IL19: variants seen among roughly 807,000 people sequenced by gnomAD.
IL19 encodes interleukin 19, also known as interleukin-19.
Under a neutral mutation model 19.5 loss-of-function variants are expected in IL19, and 15 were observed. The observed-to-expected ratio is 0.77, with a 90% confidence interval of 0.52 to 1.19. The LOEUF is 1.19. IL19 is among the 50% of genes most tolerant of loss of function. The pLI is 0.00. For missense variants in IL19, 199 were observed against 213.1 expected, an observed-to-expected ratio of 0.93 and a Z score of 0.41; for synonymous variants, 78 against 78.3, an observed-to-expected ratio of 1.00 and a Z score of 0.02.
intron 2 of IL19, among the ~76,000 whole-genome samples, chr1:206,823,970 T>C (rs1050549781): frequency 2.6e-5 from 4 of 152,240 alleles, no homozygotes; most frequent in African/African-American, 9.6e-5. Context: ...GTTTCAGTTT[T>C]AGCAGGATCG....
At chr1:206,781,304 C>T (rs1233097651) in intron 1 of IL19, among the ~76,000 whole-genome samples, 2 of 144,310 alleles carry the variant, frequency 1.4e-5, no homozygotes, top group Admixed American at 1.4e-4. Context: ...ATTAGCTGGG[C>T]GTGGTGAGGC....
intron 5 of IL19, 35 bp from the exon 6 acceptor site, chr1:206,840,969 G>A: frequency 6.4e-7 from 1 of 1,574,408 alleles, no homozygotes; most frequent in East Asian, 2.2e-5. Context: ...GAGTGGAAAT[G>A]TCCTCTGATA....
intron 1 of IL19, among the ~76,000 whole-genome samples, chr1:206,780,929 G>A (rs1036256173): frequency 6.6e-6 from 1 of 152,154 alleles, no homozygotes; most frequent in African/African-American, 2.4e-5. Context: ...AATCTATTTT[G>A]TACTCCTTGG....
chr1:206,810,522 C>T (rs772820221), intron 2 of IL19, among the ~76,000 whole-genome samples: 7 of 152,170 alleles, frequency 4.6e-5, no homozygotes, highest in African/African-American at 7.2e-5. Flanking sequence ...AACACATTGA[C>T]GAAGGTAGCA....
intron 1 of IL19, among the ~76,000 whole-genome samples, chr1:206,775,846 T>C (rs1056934342): frequency 6.6e-6 from 1 of 152,154 alleles, no homozygotes; most frequent in African/African-American, 2.4e-5. Flanking sequence ...CAGGCACCTA[T>C]GGATGGATAG....
At chr1:206,805,277 C>T (rs1675821063) in intron 2 of IL19, among the ~76,000 whole-genome samples, 1 of 152,180 alleles carries the variant, frequency 6.6e-6, no homozygotes, top group Non-Finnish European at 1.5e-5. Context: ...CTTGTGCAGC[C>T]ATTGCTCTAG....
chr1:206,839,868 G>A lies in IL19; in HGVS notation c.229G>A (p.Val77Met), dbSNP rs375138273. Residue 77 changes from valine (V) to methionine (M), a missense_variant, in exon 5 of 7, where the codon GTG (valine) becomes ATG (methionine). By Grantham distance (21) the Val-to-Met change is conservative (BLOSUM62 1). Coordinates refer to ENST00000659997, the MANE Select transcript of IL19 (RefSeq NM_153758.5). ...QIIKPLDVCC[V>M]TKNLLAFYVD... ...TTTGTAGCCCTTAGATGTGTGCTGCGTGACCAAGAACCTCCTGGCGTTCTA... is the reference window on the plus strand; with the variant it reads ...TTTGTAGCCCTTAGATGTGTGCTGCATGACCAAGAACCTCCTGGCGTTCTA... The A allele has an allele frequency of 7.4e-5, 119 of 1,613,894 alleles. No individual in the cohort carries two copies. The highest frequency in any genetic ancestry group is 6.7e-4 in the East Asian group (30 of 44,874).
At chr1:206,799,168 C>T (rs1025831517) in intron 2 of IL19, among the ~76,000 whole-genome samples, 162 bp downstream of exon 2, 1 of 151,998 alleles carries the variant, frequency 6.6e-6, no homozygotes, top group Non-Finnish European at 1.5e-5. Flanking sequence ...AGACTGCTGG[C>T]CAGGTTTAGG....
intron 6 of IL19, 150 bp downstream of exon 6, chr1:206,841,228 G>A (rs925570055): frequency 2.0e-5 from 13 of 661,556 alleles, no homozygotes; most frequent in Non-Finnish European, 3.5e-5. Flanking sequence ...TCTGTAAAGA[G>A]AGTTTTGATT....
At chr1:206,784,994 G>A (rs534336586) in intron 1 of IL19, among the ~76,000 whole-genome samples, 1 of 152,322 alleles carries the variant, frequency 6.6e-6, no homozygotes, top group African/African-American at 2.4e-5. Flanking sequence ...AGGCCAGTCT[G>A]GGTGCTGGTT....
chr1:206,832,880 C>A (rs1676656001), intron 2 of IL19, among the ~76,000 whole-genome samples: 1 of 152,198 alleles, frequency 6.6e-6, no homozygotes, highest in Admixed American at 6.5e-5. Flanking sequence ...CCTGGGGTTT[C>A]TTTCCCTTGC....
chr1:206,773,041 C>T (rs1426577442), intron 1 of IL19, among the ~76,000 whole-genome samples: 1 of 152,174 alleles, frequency 6.6e-6, no homozygotes, highest in Admixed American at 6.5e-5. Context: ...ATTTTACTTT[C>T]CAGAGACTGG....
At chr1:206,834,442 G>A (rs1356149750) in intron 2 of IL19, 9 of 985,388 alleles carry the variant, frequency 9.1e-6, no homozygotes, top group African/African-American at 3.5e-5. Flanking sequence ...CCTATGCACC[G>A]CCATCCTAGC....
At chr1:206,790,115 T>C (rs1301451811) in intron 1 of IL19, among the ~76,000 whole-genome samples, 1 of 152,212 alleles carries the variant, frequency 6.6e-6, no homozygotes, top group Non-Finnish European at 1.5e-5. Context: ...ATCTCCATAC[T>C]CTTTTCCATA....
intron 1 of IL19, among the ~76,000 whole-genome samples, chr1:206,782,816 G>C (rs1366793973): frequency 2.0e-5 from 3 of 152,138 alleles, no homozygotes; most frequent in Non-Finnish European, 4.4e-5. Flanking sequence ...TCTACTGCAG[G>C]CTTATTTTGG....
At chr1:206,816,152 T>C (rs1002537427) in intron 2 of IL19, among the ~76,000 whole-genome samples, 1 of 152,002 alleles carries the variant, frequency 6.6e-6, no homozygotes, top group Non-Finnish European at 1.5e-5. Flanking sequence ...GTTGAAAAAA[T>C]GCATTGCCAG....
At chr1:206,835,221 T>C (rs2243164) in intron 2 of IL19, among the ~76,000 whole-genome samples, 6,251 of 152,260 alleles carry the variant, frequency 0.041, 445 homozygotes, top group African/African-American at 0.14. Context: ...GCACTCTCTT[T>C]CTTGGCTTTC....
At chr1:206,839,134 T>C (rs1676909377) in intron 4 of IL19, among the ~76,000 whole-genome samples, 1 of 152,202 alleles carries the variant, frequency 6.6e-6, no homozygotes, top group Non-Finnish European at 1.5e-5. Flanking sequence ...TCTAGCCAAC[T>C]TCACTGGGCT....
At chr1:206,830,939 A>G (rs1437356673) in intron 2 of IL19, among the ~76,000 whole-genome samples, 3 of 152,168 alleles carry the variant, frequency 2.0e-5, no homozygotes, top group African/African-American at 7.2e-5. Context: ...AGTCCTCATA[A>G]TGATAGGTTC....
Sources: gnomAD v4.1 joint callset for allele counts (sites outside exome capture counted in the v4.1 genomes callset) on GRCh38, gnomAD v4.1.1 for gene constraint, MANE v1.5 for transcripts, NCBI Gene and HGNC (gene_info 2026-07-23, HGNC 2026-07-21) for gene names.